The following UTRN variants were observed in gnomAD, a reference collection of about 807,000 sequenced individuals.
UTRN encodes the protein utrophin.
In UTRN, 283 loss-of-function variants were observed where a neutral mutation model predicts 463.9. The observed-to-expected ratio is 0.61, with a 90% CI of 0.55 to 0.67. The LOEUF is 0.67. Among genes scored for constraint, UTRN ranks in the 30% least tolerant of loss-of-function variants. The probability of loss-of-function intolerance (pLI) is 0.00; values close to 1 mark genes in which losing one functional copy is unlikely to be tolerated. For missense variants in UTRN, 3,922 were observed against 4,084.3 expected, an observed-to-expected ratio of 0.96 and a Z score of 1.08; for synonymous variants, 1,442 against 1,431.5, an observed-to-expected ratio of 1.01 and a Z score of -0.17.
At chr6:144,819,877 GCCT>G (rs535515378) in intron 65 of UTRN, among the ~76,000 whole-genome samples, 7,985 of 127,170 alleles carry the variant, frequency 0.063, 959 homozygotes, top group African/African-American at 0.23. Flanking sequence ...CTCCTCCGCC[GCCT>G]CCTCCTCCTC....
chr6:144,336,311 C>G (rs561564473), intron 2 of UTRN, among the ~76,000 whole-genome samples: 1 of 152,146 alleles, frequency 6.6e-6, no homozygotes, highest in African/African-American at 2.4e-5. Flanking sequence ...CAGTAAACAA[C>G]CTTCAGGGCT....
At chr6:144,423,300 T>A (rs1785009003) in intron 4 of UTRN, among the ~76,000 whole-genome samples, 1 of 152,186 alleles carries the variant, frequency 6.6e-6, no homozygotes, top group Non-Finnish European at 1.5e-5. Context: ...GGTGTTTTTA[T>A]GAAGCTGCCT....
chr6:144,285,442 G>A lies in UTRN; in HGVS notation c.-472G>A, dbSNP rs1349018519. ...TCCAGAAGCCGATTGGGGAATCACGGGGAGCGGCGCCCCCCTTCTTTTGGG... is the reference window on the plus strand; with the variant it reads ...TCCAGAAGCCGATTGGGGAATCACGAGGAGCGGCGCCCCCCTTCTTTTGGG... On this transcript the variant is annotated 5_prime_UTR_variant, in exon 1 of 75. Transcript: ENST00000367545. Among the ~76,000 whole-genome samples, 2 of 152,214 alleles carry A rather than the reference G, an allele frequency of 1.3e-5. No individual in the cohort carries two copies. Among genetic ancestry groups the A allele is most frequent in the Admixed American group, 6.5e-5 (1 of 15,292 alleles).
At position 144,824,026 on chromosome 6, in the gene UTRN, A is replaced by G. The variant is rs569255740; in HGVS notation, c.9494+3008A>G. Among the ~76,000 whole-genome samples the G allele has an allele frequency of 1.7e-4, 26 of 152,290 alleles. No individual in the cohort carries two copies. The South Asian group carries it at 5.2e-3, about 30-fold the overall frequency. ...ACCTGAAAGATTAATAGGGCTAAGTATGATGTGTTTGATGTGGGAGGTTGA... is the reference window on the plus strand; with the variant it reads ...ACCTGAAAGATTAATAGGGCTAAGTGTGATGTGTTTGATGTGGGAGGTTGA... On this transcript the variant is annotated intron_variant, in intron 66 of 74. Coordinates refer to ENST00000367545, the MANE Select transcript of UTRN (RefSeq NM_007124.3).
chr6:144,494,956 CAG>C (rs1247574669), intron 33 of UTRN, among the ~76,000 whole-genome samples: 3 of 152,210 alleles, frequency 2.0e-5, no homozygotes, highest in African/African-American at 7.2e-5. Context: ...GAGCTAGACA[CAG>C]GGTGCTGATT....
chr6:144,791,051 T>C (rs1313249844), intron 62 of UTRN, among the ~76,000 whole-genome samples: 2 of 152,254 alleles, frequency 1.3e-5, no homozygotes, highest in Non-Finnish European at 2.9e-5. Flanking sequence ...TCTTGGGTTT[T>C]AATCTTTAAT....
chr6:144,503,631 C>T (rs1794424887), intron 34 of UTRN, among the ~76,000 whole-genome samples: 1 of 152,130 alleles, frequency 6.6e-6, no homozygotes, highest in Admixed American at 6.5e-5. Flanking sequence ...GTACCAGTAC[C>T]ATGCTGTTTT....
intron 54 of UTRN, among the ~76,000 whole-genome samples, chr6:144,746,803 T>C (rs1048045672): frequency 5.3e-5 from 8 of 152,322 alleles, no homozygotes; most frequent in African/African-American, 1.9e-4. Context: ...TCTTTATTTA[T>C]CTTGTACTGG....
intron 3 of UTRN, among the ~76,000 whole-genome samples, chr6:144,415,387 C>T (rs1305899190): frequency 6.6e-6 from 1 of 152,214 alleles, no homozygotes; most frequent in African/African-American, 2.4e-5. Flanking sequence ...TATCTCTCTA[C>T]TGGAAAATCC....
Position 144,748,446 on chromosome 6 carries a change from C to G in UTRN, c.8140C>G (p.Arg2714Gly). The change falls in exon 55 of 75, where the codon CGG becomes GGG. Residue 2714 changes from arginine (R) to glycine (G), a missense_variant. Arg to Gly is a moderately radical substitution (Grantham distance 125, BLOSUM62 -2). Around this residue, in one of 3 missense-constraint regions of UTRN, gnomAD observed 1,309 missense variants for 1,452.6 expected, o/e 0.90. Transcript: ENST00000367545. ...TGACATGAAGGAGGCAGAGTCCGTG[C>G]GGAATGGCTGGAAGCCCGTGGGAGA... ...DADMKEAESV[R>G]NGWKPVGDLL... The G allele has an allele frequency of 6.2e-7, 1 of 1,613,934 alleles. No homozygotes were observed. Among genetic ancestry groups the G allele is most frequent in the Non-Finnish European group, 8.5e-7 (1 of 1,179,908 alleles).
At chr6:144,481,514 C>G (rs962777738) in intron 26 of UTRN, among the ~76,000 whole-genome samples, 4 of 152,248 alleles carry the variant, frequency 2.6e-5, no homozygotes, top group Admixed American at 1.3e-4. Context: ...AAAGATACTT[C>G]TACCATAGTG....
chr6:144,590,989 G>A (rs1803008233), intron 51 of UTRN, among the ~76,000 whole-genome samples: 1 of 152,050 alleles, frequency 6.6e-6, no homozygotes. Flanking sequence ...GTTGGCTACT[G>A]TTGTTACCGT....
intron 7 of UTRN, among the ~76,000 whole-genome samples, chr6:144,428,461 G>A (rs1584745345): frequency 2.1e-5 from 3 of 141,286 alleles, no homozygotes; most frequent in East Asian, 2.0e-4. Context: ...TTTTTGTATC[G>A]GTAGGTTTCC....
chr6:144,349,824 G>A (rs1777953716), intron 2 of UTRN, among the ~76,000 whole-genome samples: 1 of 152,170 alleles, frequency 6.6e-6, no homozygotes, highest in Non-Finnish European at 1.5e-5. Context: ...GCAAATTCAA[G>A]ACTTGGTTGG....
chr6:144,623,475 C>T (rs144357034), intron 51 of UTRN, among the ~76,000 whole-genome samples: 20 of 152,240 alleles, frequency 1.3e-4, no homozygotes, highest in African/African-American at 3.4e-4. Flanking sequence ...CTCTTAACTA[C>T]GCTGTTTCAT....
At chr6:144,596,092 T>C (rs984558198) in intron 51 of UTRN, among the ~76,000 whole-genome samples, 4 of 152,206 alleles carry the variant, frequency 2.6e-5, no homozygotes, top group African/African-American at 9.6e-5. Context: ...AGAGAAAGAT[T>C]GGAGAAATTA....
intron 2 of UTRN, among the ~76,000 whole-genome samples, chr6:144,327,153 G>A (rs1414364161): frequency 6.6e-6 from 1 of 152,094 alleles, no homozygotes; most frequent in Non-Finnish European, 1.5e-5. Context: ...TTGGCTTGGA[G>A]TCTAAGTTTT....
chr6:144,754,426 T>TA (rs1199908592), intron 56 of UTRN, among the ~76,000 whole-genome samples: 1 of 151,994 alleles, frequency 6.6e-6, no homozygotes, highest in Non-Finnish European at 1.5e-5. Context: ...AAGATGATGA[T>TA]AAAAATAACC....
intron 51 of UTRN, among the ~76,000 whole-genome samples, chr6:144,631,122 T>C (rs1281909132): frequency 6.6e-6 from 1 of 152,080 alleles, no homozygotes; most frequent in African/African-American, 2.4e-5. Flanking sequence ...TGCTAAGTGA[T>C]ATTCCCTTCT....
Sources: allele counts gnomAD v4.1 joint callset (sites outside exome capture counted in the v4.1 genomes callset), GRCh38; gene constraint gnomAD v4.1.1; regional missense constraint gnomAD v4.1.1; transcripts MANE v1.5; gene names NCBI Gene and HGNC (gene_info 2026-07-23, HGNC 2026-07-21).